The following MRC2 variants were observed in gnomAD, a reference collection of about 807,000 sequenced individuals.
MRC2 encodes mannose receptor C-type 2.
MRC2 carries 84 observed loss-of-function variants against 206.2 expected under a neutral mutation model. The observed-to-expected ratio is 0.41, with a 90% CI of 0.34 to 0.49. The LOEUF (loss-of-function observed/expected upper bound fraction) is 0.49. MRC2 is among the 20% of genes least tolerant of loss of function. MRC2 has a pLI of 0.31. For synonymous variants in MRC2, 798 were observed against 800.0 expected (o/e 1.00, Z 0.04); for missense variants, 1,676 against 2,001.5 (o/e 0.84, Z 3.10).
intron 20 of MRC2, 142 bp downstream of exon 20, chr17:62,682,519 G>A: frequency 1.0e-6 from 1 of 973,972 alleles, no homozygotes; most frequent in Non-Finnish European, 1.4e-6. Context: ...CTTTCACCTG[G>A]CTCCAGTACC....
chr17:62,668,403 A>T (rs943724942), intron 6 of MRC2, among the ~76,000 whole-genome samples: 32 of 151,736 alleles, frequency 2.1e-4, no homozygotes, highest in African/African-American at 7.7e-4. Context: ...AAAAAAAAGA[A>T]AAAAGAAAGA....
At chr17:62,686,153 G>A (rs372324194) in intron 20 of MRC2, among the ~76,000 whole-genome samples, 1 of 152,112 alleles carries the variant, frequency 6.6e-6, no homozygotes, top group African/African-American at 2.4e-5. Flanking sequence ...GGTAGGGTTC[G>A]CACTCCTATG....
intron 18 of MRC2, chr17:62,681,613 G>A (rs1419725299): frequency 3.8e-6 from 2 of 525,428 alleles, no homozygotes; most frequent in East Asian, 6.9e-5. Context: ...CTTCTTTTCT[G>A]GAGCAGCAAG....
At chr17:62,683,032 A>G (rs899671732) in intron 20 of MRC2, among the ~76,000 whole-genome samples, 1 of 152,236 alleles carries the variant, frequency 6.6e-6, no homozygotes, top group Non-Finnish European at 1.5e-5. Flanking sequence ...ATGTGTGTGT[A>G]CATTTAACTT....
rs943659450 is a variant in MRC2 at position 62,627,900 on chromosome 17, C to T, written c.98C>T (p.Pro33Leu). The T allele has an allele frequency of 6.8e-7, 1 of 1,468,576 alleles. No homozygotes were observed. Among genetic ancestry groups the T allele is most frequent in the Non-Finnish European group, 9.0e-7 (1 of 1,116,896 alleles). The allele number at this position is 1,468,576 out of a possible 1,614,324, so 91.0% of individuals were successfully genotyped here. A position where few individuals can be genotyped will look rare whatever the true frequency, so the allele number is the denominator to read the frequency against. Residue 33 changes from proline (P) to leucine (L), a missense_variant, in exon 1 of 30, where the codon CCT (proline) becomes CTT (leucine). By Grantham distance (98) the Pro-to-Leu change is moderately conservative (BLOSUM62 -3). Coordinates refer to ENST00000303375, the MANE Select transcript of MRC2 (RefSeq NM_006039.5). ...GCLHLGRPGAPGDAALPEPNV... is the reference protein window; with the variant it reads ...GCLHLGRPGALGDAALPEPNV... ...CTGCACCTCGGCCGTCCCGGCGCCC[C>T]TGGGGACGCCGCCCTCCCGGGTAAG...
intron 1 of MRC2, among the ~76,000 whole-genome samples, chr17:62,649,515 C>T (rs768364507): frequency 2.0e-5 from 3 of 152,138 alleles, no homozygotes; most frequent in Non-Finnish European, 2.9e-5. Context: ...CCCTTGAACC[C>T]AGGAGGTGAA....
chr17:62,655,360 T>C (rs987082934), intron 1 of MRC2, among the ~76,000 whole-genome samples: 20 of 149,174 alleles, frequency 1.3e-4, no homozygotes, highest in East Asian at 1.2e-3. Flanking sequence ...GCTAACATGG[T>C]GAAACCCCGT....
chr17:62,666,360 C>T lies in MRC2; in HGVS notation c.694+93C>T, dbSNP rs890378819. The T allele has an allele frequency of 9.4e-6, 15 of 1,587,800 alleles. No individual in the cohort carries two copies. Among genetic ancestry groups the T allele is most frequent in the East Asian group, 2.2e-5 (1 of 44,694 alleles). ...CGGGGCCCAGGGTGAGATACTGCCC[C>T]CTCCCCTACCTAGTGTAGCCTTTTG... On this transcript the variant is annotated intron_variant, in intron 3 of 29. Coordinates refer to ENST00000303375, the MANE Select transcript of MRC2 (RefSeq NM_006039.5). This position sits in a 1 kb window ranked among gnomAD's most constrained non-coding sequence, Gnocchi z 5.0.
In MRC2 at chr17:62,627,904, G is replaced by T; in HGVS notation, c.102G>T (p.Gly34=). ...CLHLGRPGAP[G]DAALPEPNVF... is the part of the protein sequence containing the mutation. ...ACCTCGGCCGTCCCGGCGCCCCTGG[G>T]GACGCCGCCCTCCCGGGTAAGGCGC... Residue 34 remains glycine (G), a synonymous_variant, in exon 1 of 30, where the codon GGG becomes GGT. Transcript: ENST00000303375. 1 of 1,466,876 alleles carries T rather than the reference G, an allele frequency of 6.8e-7. No homozygotes were observed. The highest frequency in any genetic ancestry group is 2.5e-5 in the Admixed American group (1 of 39,950). The allele number at this position is 1,466,876 out of a possible 1,614,324, so 90.9% of individuals were successfully genotyped here.
Position 62,692,297 on chromosome 17 carries a change from T to G in MRC2, c.4286T>G (p.Leu1429Arg), listed in dbSNP as rs749128253. 4 of 1,596,276 alleles carry G rather than the reference T, an allele frequency of 2.5e-6. No individual in the cohort carries two copies. The highest frequency in any genetic ancestry group is 3.4e-6 in the Non-Finnish European group (4 of 1,171,570). The stretch of plus-strand genomic sequence containing the variant: ...GCGGTGCTGCTGCTCCTGGCCTTGC[T>G]GACCGCAGCCCTCATCCTTTACCGG... ...LMAVLLLLAL[L>R]TAALILYRRR... Residue 1429 changes from leucine (L) to arginine (R), a missense_variant, in exon 30 of 30, where the codon CTG becomes CGG. Leu to Arg is a moderately radical substitution (Grantham distance 102, BLOSUM62 -2). Around this residue, in one of 3 missense-constraint regions of MRC2, gnomAD observed 1,354 missense variants for 1,636.6 expected, o/e 0.83. Coordinates refer to ENST00000303375, the MANE Select transcript of MRC2 (RefSeq NM_006039.5). This position sits in a 1 kb window ranked among gnomAD's most constrained non-coding sequence, Gnocchi z 4.2.
intron 6 of MRC2, among the ~76,000 whole-genome samples, chr17:62,668,253 G>A (rs890366972): frequency 6.6e-6 from 1 of 151,858 alleles, no homozygotes; most frequent in Non-Finnish European, 1.5e-5. Context: ...TAGGGAGGTC[G>A]AGGTGGGAGG....
intron 1 of MRC2, among the ~76,000 whole-genome samples, chr17:62,663,192 TTCCCTCCC>T (rs1312922269): frequency 2.0e-5 from 3 of 150,344 alleles, no homozygotes; most frequent in Admixed American, 6.6e-5. Context: ...CTTACCTTCC[TTCCCTCCC>T]TCCCTCCCTC....
chr17:62,680,825 GGAGGCC>G lies in MRC2; in HGVS notation c.2503_2508del (p.Ala835_Glu836del). ...GCCGACGGGAATGGCTGCGCTTCCA[GGAGGCC>G]GAGTACAAGTTCTTTGAGCACCACT... On this transcript the variant is annotated inframe_deletion, in exon 17 of 30. Coordinates refer to ENST00000303375, the MANE Select transcript of MRC2 (RefSeq NM_006039.5). The surrounding 1 kb of genome is among the most constrained non-coding windows in gnomAD (Gnocchi z 4.8). 6.2e-7 allele frequency: 1 copy of G among 1,612,204 alleles called. No homozygotes were observed. Among genetic ancestry groups the G allele is most frequent in the Non-Finnish European group, 8.5e-7 (1 of 1,179,530 alleles).
intron 1 of MRC2, among the ~76,000 whole-genome samples, chr17:62,644,478 A>G (rs1040814790): frequency 1.3e-5 from 2 of 152,202 alleles, no homozygotes; most frequent in Non-Finnish European, 2.9e-5. Flanking sequence ...TAATCTCAGC[A>G]CTTTGGGAGG....
chr17:62,681,362 C>T, intron 18 of MRC2: 1 of 590,212 alleles, frequency 1.7e-6, no homozygotes, highest in Non-Finnish European at 3.0e-6. Flanking sequence ...AGTGCTTACG[C>T]AGCATCCAGC....
chr17:62,645,187 C>T (rs1363671315), intron 1 of MRC2, among the ~76,000 whole-genome samples: 2 of 151,956 alleles, frequency 1.3e-5, no homozygotes, highest in African/African-American at 4.8e-5. Context: ...AAATGGGAGA[C>T]CCCATTATCA....
chr17:62,681,411 G>C, intron 18 of MRC2: 1 of 537,242 alleles, frequency 1.9e-6, no homozygotes, highest in Non-Finnish European at 3.3e-6. Context: ...TGTTACGTCT[G>C]GTGTCATTCA....
At chr17:62,691,250 G>A (rs1344130940) in intron 28 of MRC2, 122 bp downstream of exon 28, 6 of 1,172,016 alleles carry the variant, frequency 5.1e-6, no homozygotes, top group Non-Finnish European at 4.7e-6. Context: ...TGAACAGAAC[G>A]GACTGCGGGC....
In MRC2 at chr17:62,672,998, A is replaced by AAG. The variant is rs1555678712; in HGVS notation, c.1461+847_1461+848insGA. 6.6e-6 allele frequency among the ~76,000 whole-genome samples: 1 copy of AAG among 151,338 alleles called. No individual in the cohort carries two copies. The highest frequency in any genetic ancestry group is 2.4e-5 in the African/African-American group (1 of 40,946). ...CAGAGCAAGACCCTGTCTCAAAAAAAAAAAAATAAAATAAAAAGGAGAAAG... is the reference window on the plus strand; with the variant it reads ...CAGAGCAAGACCCTGTCTCAAAAAAAAGAAAAAATAAAATAAAAAGGAGAAAG... On this transcript the variant is annotated intron_variant, in intron 8 of 29. Coordinates refer to ENST00000303375, the MANE Select transcript of MRC2 (RefSeq NM_006039.5). The surrounding 1 kb of genome is among the most constrained non-coding windows in gnomAD (Gnocchi z 4.5).
Sources: allele counts gnomAD v4.1 joint callset (sites outside exome capture counted in the v4.1 genomes callset), GRCh38; gene constraint gnomAD v4.1.1; regional missense constraint gnomAD v4.1.1; non-coding constraint Gnocchi (gnomAD v3.1); transcripts MANE v1.5; gene names NCBI Gene and HGNC (gene_info 2026-07-23, HGNC 2026-07-21).